HMBOX1: variants seen among roughly 807,000 people sequenced by gnomAD.
HMBOX1 encodes homeobox-containing protein 1.
HMBOX1 carries 14 observed loss-of-function variants against 54.5 expected under a neutral mutation model. The observed-to-expected ratio is 0.26, with a 90% CI of 0.17 to 0.40. The LOEUF (loss-of-function observed/expected upper bound fraction) is 0.40, where lower values mean the gene tolerates loss of function less well. Among genes scored for constraint, HMBOX1 ranks in the 10% least tolerant of loss-of-function variants. HMBOX1 has a pLI of 1.00. For synonymous variants in HMBOX1, 160 were observed against 181.0 expected (o/e 0.88, Z 0.93); for missense variants, 332 against 514.4 (o/e 0.65, Z 3.43).
At chr8:28,901,569 T>G (rs954213349) in intron 1 of HMBOX1, among the ~76,000 whole-genome samples, 1 of 152,236 alleles carries the variant, frequency 6.6e-6, no homozygotes, top group Non-Finnish European at 1.5e-5. Flanking sequence ...TTGAGATGAT[T>G]GCAGCAGTAA....
chr8:28,919,709 C>T (rs1445152591), intron 1 of HMBOX1, among the ~76,000 whole-genome samples: 4 of 152,186 alleles, frequency 2.6e-5, no homozygotes, highest in African/African-American at 9.7e-5. Context: ...CATAGTAATA[C>T]ACAATACCCA....
At chr8:28,951,656 A>T (rs550135614) in intron 1 of HMBOX1, among the ~76,000 whole-genome samples, 1 of 152,240 alleles carries the variant, frequency 6.6e-6, no homozygotes, top group African/African-American at 2.4e-5. Context: ...ATGAATGTGC[A>T]AAAGACACAG....
intron 1 of HMBOX1, among the ~76,000 whole-genome samples, chr8:28,907,903 T>G (rs1001187212): frequency 6.6e-6 from 1 of 151,966 alleles, no homozygotes; most frequent in Admixed American, 6.6e-5. Context: ...TGGAGTCCAG[T>G]GGCATGATCT....
chr8:28,918,445 C>T lies in HMBOX1; in HGVS notation c.-58+27767C>T, dbSNP rs942815990. Among the ~76,000 whole-genome samples, 14 of 151,974 alleles carry T rather than the reference C, an allele frequency of 9.2e-5. 1 individual carries two copies. In the South Asian group the frequency reaches 1.0e-3, roughly 11 times the overall value. The stretch of plus-strand genomic sequence containing the variant: ...GTCTCAATCTCCTGACCTTGTGATC[C>T]GCCTGCCTTGGCCTCCCAAAGTGTT... On this transcript the variant is annotated intron_variant, in intron 1 of 9. Transcript: ENST00000287701.
chr8:28,987,878 G>C (rs1054221640), intron 4 of HMBOX1, among the ~76,000 whole-genome samples: 1 of 152,234 alleles, frequency 6.6e-6, no homozygotes, highest in African/African-American at 2.4e-5. Flanking sequence ...TATATCATTT[G>C]ATTCTCACAA....
intron 6 of HMBOX1, among the ~76,000 whole-genome samples, chr8:29,027,004 A>C (rs761802843): frequency 6.6e-6 from 1 of 152,196 alleles, no homozygotes; most frequent in Non-Finnish European, 1.5e-5. Flanking sequence ...TAAAATTTTT[A>C]TAATTAAAAA....
chr8:28,971,768 T>C (rs1180740705), intron 3 of HMBOX1, among the ~76,000 whole-genome samples: 2 of 152,124 alleles, frequency 1.3e-5, no homozygotes, highest in African/African-American at 4.8e-5. Flanking sequence ...TTTGTTGGAA[T>C]TGAGGAGTTT....
chr8:28,951,957 C>T (rs965715713), intron 1 of HMBOX1, among the ~76,000 whole-genome samples: 12 of 152,028 alleles, frequency 7.9e-5, no homozygotes, highest in East Asian at 1.9e-4. Context: ...CACTTAAGCC[C>T]GATCAGGAGT....
chr8:29,000,849 A>G (rs962466015), intron 4 of HMBOX1, among the ~76,000 whole-genome samples: 1 of 152,182 alleles, frequency 6.6e-6, no homozygotes, highest in Non-Finnish European at 1.5e-5. Flanking sequence ...GCATGGGAGG[A>G]GGCCAAGTTA....
At chr8:29,002,327 G>C (rs939543357) in intron 4 of HMBOX1, among the ~76,000 whole-genome samples, 1 of 152,192 alleles carries the variant, frequency 6.6e-6, no homozygotes, top group Admixed American at 6.5e-5. Context: ...GAGAGGGAAA[G>C]AGAGAAGGAG....
At chr8:29,036,482 C>T (rs976760061) in intron 6 of HMBOX1, among the ~76,000 whole-genome samples, 3 of 152,052 alleles carry the variant, frequency 2.0e-5, no homozygotes, top group Non-Finnish European at 4.4e-5. Flanking sequence ...TAATTCTCCT[C>T]TACTCAGGAA....
chr8:29,021,366 G>T (rs1250521079), intron 6 of HMBOX1, among the ~76,000 whole-genome samples: 1 of 151,854 alleles, frequency 6.6e-6, no homozygotes, highest in Non-Finnish European at 1.5e-5. Context: ...TAAAGGAAAA[G>T]ATTGATAAAT....
chr8:29,014,190 T>C (rs1278966519), intron 5 of HMBOX1, among the ~76,000 whole-genome samples: 1 of 152,120 alleles, frequency 6.6e-6, no homozygotes, highest in Non-Finnish European at 1.5e-5. Flanking sequence ...AAAAGAGTTT[T>C]GGGTTTTTTT....
intron 6 of HMBOX1, 29 bp downstream of exon 6, chr8:29,018,942 C>T (rs1800749891): frequency 6.2e-7 from 1 of 1,609,774 alleles, no homozygotes. Context: ...TACGAATGAT[C>T]TCCCAAACTT....
chr8:28,892,738 GA>G (rs562292576), intron 1 of HMBOX1, among the ~76,000 whole-genome samples: 2 of 150,500 alleles, frequency 1.3e-5, no homozygotes, highest in African/African-American at 4.9e-5. Context: ...GACCTGAATA[GA>G]AAAAAAAATG....
chr8:29,009,803 C>G, intron 5 of HMBOX1: 1 of 1,262,940 alleles, frequency 7.9e-7, no homozygotes, highest in Admixed American at 2.6e-5. Context: ...TAGGCAAGAT[C>G]TATTCAAGAT....
chr8:28,953,941 T>C (rs1440144944), intron 1 of HMBOX1, among the ~76,000 whole-genome samples: 1 of 152,214 alleles, frequency 6.6e-6, no homozygotes, highest in African/African-American at 2.4e-5. Flanking sequence ...TTTTGTATCT[T>C]TGTAAGGATT....
intron 4 of HMBOX1, among the ~76,000 whole-genome samples, chr8:29,007,942 G>C (rs763669032): frequency 2.0e-4 from 31 of 152,096 alleles, no homozygotes; most frequent in Non-Finnish European, 4.3e-4. Flanking sequence ...CTAGGGGCTT[G>C]CTTTTAATGA....
At chr8:28,926,304 T>TATACACAC (rs796953426) in intron 1 of HMBOX1, among the ~76,000 whole-genome samples, 62 of 142,208 alleles carry the variant, frequency 4.4e-4, no homozygotes, top group African/African-American at 1.6e-3. Flanking sequence ...TATATATATA[T>TATACACAC]ACACACACAC....
Sources: gnomAD v4.1 joint callset for allele counts (sites outside exome capture counted in the v4.1 genomes callset) on GRCh38, gnomAD v4.1.1 for gene constraint, MANE v1.5 for transcripts, NCBI Gene and HGNC (gene_info 2026-07-23, HGNC 2026-07-21) for gene names.